LRRIQ4: variants seen among roughly 807,000 people sequenced by gnomAD.
The protein encoded by LRRIQ4 is leucine-rich repeat and IQ domain-containing protein 4.
In LRRIQ4, 21 loss-of-function variants were observed where a neutral mutation model predicts 40.1. The ratio of observed to expected loss-of-function variants is 0.52; its 90% CI spans 0.37 to 0.75. The LOEUF (loss-of-function observed/expected upper bound fraction) is 0.75. LRRIQ4 is among the 30% of genes least tolerant of loss of function. LRRIQ4 has a pLI of 0.00. For synonymous variants in LRRIQ4, 277 were observed against 277.1 expected, an observed-to-expected ratio of 1.00 and a Z score of 0.00; for missense variants, 655 against 660.0, an observed-to-expected ratio of 0.99 and a Z score of 0.08.
chr3:169,824,575 C>G (rs1779997962), intron 2 of LRRIQ4, among the ~76,000 whole-genome samples: 1 of 151,954 alleles, frequency 6.6e-6, no homozygotes, highest in Non-Finnish European at 1.5e-5. Context: ...TGCAGTGGTG[C>G]TATCTTGGCT....
chr3:169,818,055 G>A (rs923128993), intron 1 of LRRIQ4, among the ~76,000 whole-genome samples: 1 of 152,154 alleles, frequency 6.6e-6, no homozygotes, highest in African/African-American at 2.4e-5. Flanking sequence ...CACTGGCATG[G>A]ACAATTCCCC....
chr3:169,832,102 A>G (rs1780193286), intron 4 of LRRIQ4, among the ~76,000 whole-genome samples: 1 of 152,130 alleles, frequency 6.6e-6, no homozygotes, highest in South Asian at 2.1e-4. Flanking sequence ...AATATTCTCA[A>G]AATTTTTCAG....
intron 2 of LRRIQ4, among the ~76,000 whole-genome samples, chr3:169,823,668 G>A (rs1056881701): frequency 2.0e-5 from 3 of 152,044 alleles, no homozygotes; most frequent in Admixed American, 6.6e-5. Flanking sequence ...TCTTAACAAA[G>A]ACAATCTCCT....
In LRRIQ4 at chr3:169,830,515, G is replaced by C. The variant is rs758483896; in HGVS notation, c.1218G>C (p.Glu406Asp). 3 of 1,602,116 alleles carry C rather than the reference G, an allele frequency of 1.9e-6. No homozygotes were observed. The highest frequency in any genetic ancestry group is 2.6e-6 in the Non-Finnish European group (3 of 1,173,748). Reference sequence around the variant, plus strand: ...AGAGTCTCAAAGAGCTATATATAGAGAACAATCATCTGGAGTACCTGCCCG... The same window carrying C: ...AGAGTCTCAAAGAGCTATATATAGACAACAATCATCTGGAGTACCTGCCCG... ...KLQSLKELYI[E>D]NNHLEYLPVS... Residue 406 changes from glutamate to aspartate, a missense_variant, in exon 4 of 6, where the codon GAG (glutamate) becomes GAC (aspartate). Transcript: ENST00000340806.
At chr3:169,825,285 C>T (rs901254418) in intron 2 of LRRIQ4, among the ~76,000 whole-genome samples, 4 of 152,174 alleles carry the variant, frequency 2.6e-5, no homozygotes, top group African/African-American at 7.2e-5. Flanking sequence ...GGATTACAGG[C>T]GTGAGCCACT....
At chr3:169,831,572 A>G (rs1162189084) in intron 4 of LRRIQ4, among the ~76,000 whole-genome samples, 5 of 140,664 alleles carry the variant, frequency 3.6e-5, no homozygotes, top group Admixed American at 7.3e-5. Flanking sequence ...AAAGTGCTGG[A>G]ATTACAGGCG....
At chr3:169,830,196 AAATT>A (rs1386384098) in intron 3 of LRRIQ4, among the ~76,000 whole-genome samples, 2 of 151,918 alleles carry the variant, frequency 1.3e-5, no homozygotes, top group Non-Finnish European at 2.9e-5. Flanking sequence ...TAAATTATTC[AAATT>A]ATTTTTCCAT....
chr3:169,835,011 TTGA>T (rs992810190), intron 5 of LRRIQ4, among the ~76,000 whole-genome samples: 77 of 152,286 alleles, frequency 5.1e-4, no homozygotes, highest in African/African-American at 1.8e-3. Flanking sequence ...TGCATAAATA[TTGA>T]TGATTATTAG....
At position 169,822,653 on chromosome 3, in the gene LRRIQ4, C is replaced by A. The variant is rs763440099; in HGVS notation, c.732C>A (p.Asn244Lys). ...SQLSVLDLSH[N>K]LLHSIPKSFA... ...TGTCGGTGCTCGATTTATCCCACAA[C>A]CTCCTCCACTCCATCCCGAAGAGCT... The change falls in exon 2 of 6, where the codon AAC becomes AAA. Residue 244 changes from asparagine (N) to lysine (K), a missense_variant. Physicochemically the swap from Asn to Lys is moderately conservative, Grantham distance 94. Transcript: ENST00000340806. 1 of 1,613,974 alleles carries A rather than the reference C, an allele frequency of 6.2e-7. No individual in the cohort carries two copies. Among genetic ancestry groups the A allele is most frequent in the Non-Finnish European group, 8.5e-7 (1 of 1,179,906 alleles).
intron 5 of LRRIQ4, among the ~76,000 whole-genome samples, chr3:169,834,134 G>T (rs1272497701): frequency 6.6e-6 from 1 of 152,208 alleles, no homozygotes; most frequent in Non-Finnish European, 1.5e-5. Context: ...GGCTGAGGCG[G>T]GTGGATCACT....
chr3:169,824,569 G>A (rs992681456), intron 2 of LRRIQ4, among the ~76,000 whole-genome samples: 1 of 151,900 alleles, frequency 6.6e-6, no homozygotes, highest in Non-Finnish European at 1.5e-5. Flanking sequence ...CTGGAGTGCA[G>A]TGGTGCTATC....
At chr3:169,829,010 G>A in intron 3 of LRRIQ4, 78 bp downstream of exon 3, 1 of 1,255,592 alleles carries the variant, frequency 8.0e-7, no homozygotes, top group South Asian at 1.4e-5. Flanking sequence ...AAAATATGAG[G>A]TCTCCACAGG....
chr3:169,836,332 A>G (rs2108188756), intron 5 of LRRIQ4, among the ~76,000 whole-genome samples: 1 of 152,352 alleles, frequency 6.6e-6, no homozygotes, highest in Non-Finnish European at 1.5e-5. Flanking sequence ...AAAATACCAT[A>G]GAACAGGCGG....
intron 5 of LRRIQ4, among the ~76,000 whole-genome samples, chr3:169,833,627 C>T (rs1780236216): frequency 6.6e-6 from 1 of 152,192 alleles, no homozygotes. Flanking sequence ...TCTGCTCTAG[C>T]CCTTTGAGCC....
At chr3:169,817,109 A>G (rs896513171) in intron 1 of LRRIQ4, among the ~76,000 whole-genome samples, 4 of 152,152 alleles carry the variant, frequency 2.6e-5, no homozygotes, top group African/African-American at 9.7e-5. Context: ...CTTTCACTGT[A>G]TCCCATAGGT....
intron 2 of LRRIQ4, 65 bp downstream of exon 2, chr3:169,823,006 T>G (rs1779951031): frequency 2.2e-6 from 3 of 1,387,776 alleles, no homozygotes; most frequent in East Asian, 5.0e-5. Flanking sequence ...CTAAGTTGGT[T>G]CTGTATCTAA....
At chr3:169,827,732 G>T (rs565132498) in intron 2 of LRRIQ4, among the ~76,000 whole-genome samples, 1 of 152,088 alleles carries the variant, frequency 6.6e-6, no homozygotes, top group East Asian at 1.9e-4. Flanking sequence ...GAAATCTGAT[G>T]ATTAGAAGTA....
At chr3:169,832,299 C>T (rs540864756) in intron 4 of LRRIQ4, among the ~76,000 whole-genome samples, 1 of 151,888 alleles carries the variant, frequency 6.6e-6, no homozygotes, top group East Asian at 1.9e-4. Flanking sequence ...GAAACCCCAT[C>T]TCTACTAAAA....
At chr3:169,824,197 T>G (rs1265080192) in intron 2 of LRRIQ4, among the ~76,000 whole-genome samples, 1 of 152,052 alleles carries the variant, frequency 6.6e-6, no homozygotes, top group African/African-American at 2.4e-5. Context: ...GGTGGCTGCC[T>G]CTGGGAAGAG....
Sources: gnomAD v4.1 joint callset for allele counts (sites outside exome capture counted in the v4.1 genomes callset) on GRCh38, gnomAD v4.1.1 for gene constraint, MANE v1.5 for transcripts, NCBI Gene and HGNC (gene_info 2026-07-23, HGNC 2026-07-21) for gene names.